Variants in ADGRL3 observed in about 807,000 individuals in gnomAD.
The protein encoded by ADGRL3 is calcium-independent alpha-latrotoxin receptor 3.
Under a neutral mutation model 153.5 loss-of-function variants are expected in ADGRL3, and 62 were observed. That is an observed-to-expected ratio of 0.40 (90% CI 0.33 to 0.50). The LOEUF (loss-of-function observed/expected upper bound fraction) is 0.50, where lower values mean the gene tolerates loss of function less well. Ranked by LOEUF, ADGRL3 falls within the 20% of genes least tolerant of loss-of-function variation. ADGRL3 has a pLI of 0.47. For synonymous variants in ADGRL3, 710 were observed against 672.5 expected, an observed-to-expected ratio of 1.06 and a Z score of -0.86; for missense variants, 1,641 against 1,859.4, an observed-to-expected ratio of 0.88 and a Z score of 2.16.
At chr4:61,743,743 G>A (rs900800038) in intron 8 of ADGRL3, among the ~76,000 whole-genome samples, 6 of 152,136 alleles carry the variant, frequency 3.9e-5, no homozygotes, top group East Asian at 3.9e-4. Context: ...CAAGATGGCC[G>A]AATAGGAACA....
chr4:61,957,685 A>AT (rs751521343), intron 17 of ADGRL3, among the ~76,000 whole-genome samples: 3,198 of 146,948 alleles, frequency 0.022, 45 homozygotes, highest in African/African-American at 0.037. Flanking sequence ...AACTAAATTA[A>AT]TTTTTTTTTT....
In ADGRL3 at chr4:61,895,777, C is replaced by G. The variant is rs1460702405; in HGVS notation, c.1830C>G (p.Pro610=). 2.5e-6 allele frequency: 4 copies of G among 1,601,102 alleles called. No individual in the cohort carries two copies. In the African/African-American group the frequency reaches 4.0e-5, roughly 16 times the overall value. The part of the protein sequence containing the change: ...LCLAPDGIWD[P]QGPDLSNCSS... ...TTGCTCCTGATGGAATTTGGGATCCCCAAGGTCCAGATCTCAGCAACTGTT... is the reference window on the plus strand; with the variant it reads ...TTGCTCCTGATGGAATTTGGGATCCGCAAGGTCCAGATCTCAGCAACTGTT... Residue 610 remains proline (P), a synonymous_variant, in exon 11 of 27, where the codon CCC becomes CCG. Transcript: ENST00000683033.
intron 5 of ADGRL3, among the ~76,000 whole-genome samples, chr4:61,612,537 C>A (rs759694392): frequency 6.6e-6 from 1 of 152,150 alleles, no homozygotes; most frequent in Non-Finnish European, 1.5e-5. Flanking sequence ...GCACAATAAC[C>A]TTTTCCTTAC....
At chr4:61,894,470 A>T (rs1172944090) in intron 10 of ADGRL3, among the ~76,000 whole-genome samples, 4 of 152,136 alleles carry the variant, frequency 2.6e-5, no homozygotes, top group African/African-American at 9.7e-5. Flanking sequence ...ACAGTTGGAA[A>T]CCATCTTTTT....
At chr4:61,477,819 T>C (rs1282060290) in intron 2 of ADGRL3, among the ~76,000 whole-genome samples, 1 of 152,076 alleles carries the variant, frequency 6.6e-6, no homozygotes, top group African/African-American at 2.4e-5. Flanking sequence ...ACTGTATATA[T>C]AAGTATATAT....
intron 6 of ADGRL3, among the ~76,000 whole-genome samples, chr4:61,696,161 T>C (rs2095639026): frequency 6.6e-6 from 1 of 152,218 alleles, no homozygotes; most frequent in Non-Finnish European, 1.5e-5. Flanking sequence ...TTTTTCTTTG[T>C]ATTCACAACT....
intron 6 of ADGRL3, among the ~76,000 whole-genome samples, chr4:61,702,346 T>A (rs2095782019): frequency 6.6e-6 from 1 of 152,220 alleles, no homozygotes; most frequent in Admixed American, 6.5e-5. Context: ...TCAGAAGTCT[T>A]ATTCCCTGTG....
intron 2 of ADGRL3, among the ~76,000 whole-genome samples, chr4:61,490,408 G>T (rs951129883): frequency 2.0e-5 from 3 of 151,364 alleles, no homozygotes; most frequent in African/African-American, 7.3e-5. Flanking sequence ...TTTAATGCAG[G>T]AATTATGCCT....
At chr4:61,550,029 A>C (rs1579472801) in intron 4 of ADGRL3, among the ~76,000 whole-genome samples, 1 of 152,122 alleles carries the variant, frequency 6.6e-6, no homozygotes, top group East Asian at 1.9e-4. Flanking sequence ...AATGCAGCAT[A>C]TCAACTGTCA....
chr4:61,447,389 T>C (rs999899267), intron 2 of ADGRL3, among the ~76,000 whole-genome samples: 1 of 39,090 alleles, frequency 2.6e-5, no homozygotes, highest in Non-Finnish European at 7.6e-5. Flanking sequence ...CCAGGTTTTA[T>C]GATACTTTCT....
chr4:61,721,473 C>A (rs2096243113), intron 6 of ADGRL3, among the ~76,000 whole-genome samples: 2 of 152,294 alleles, frequency 1.3e-5, no homozygotes, highest in South Asian at 2.1e-4. Context: ...TTGCTCTTTC[C>A]AACTTCTGCC....
intron 6 of ADGRL3, among the ~76,000 whole-genome samples, chr4:61,708,804 A>C (rs1207172806): frequency 6.6e-6 from 1 of 151,662 alleles, no homozygotes; most frequent in Non-Finnish European, 1.5e-5. Flanking sequence ...TTTATTCATT[A>C]TTTATTTATT....
chr4:61,423,121 C>T (rs998139712), intron 2 of ADGRL3, among the ~76,000 whole-genome samples: 4 of 152,082 alleles, frequency 2.6e-5, no homozygotes, highest in Non-Finnish European at 5.9e-5. Flanking sequence ...AATTATATAG[C>T]TTATCTGAGT....
intron 8 of ADGRL3, among the ~76,000 whole-genome samples, chr4:61,748,888 C>T (rs899538906): frequency 2.0e-5 from 3 of 151,274 alleles, no homozygotes; most frequent in African/African-American, 4.9e-5. Flanking sequence ...AGAGCTTCTG[C>T]ACAGCAAAAG....
In ADGRL3 at chr4:61,715,623, G is replaced by A. The variant is rs1016389146; in HGVS notation, c.584-14999G>A. On this transcript the variant is annotated intron_variant, in intron 6 of 26. Transcript: ENST00000683033. ...CTAAATGTGTCATAATAAAAATTCTGGCATGTATCTAATCAGTGATATTTT... is the reference window on the plus strand; with the variant it reads ...CTAAATGTGTCATAATAAAAATTCTAGCATGTATCTAATCAGTGATATTTT... Among the ~76,000 whole-genome samples the A allele has an allele frequency of 1.4e-3, 216 of 151,938 alleles. 2 individuals are homozygous for A. The highest frequency in any genetic ancestry group is 0.014 in the Admixed American group (215 of 15,232).
intron 1 of ADGRL3, among the ~76,000 whole-genome samples, chr4:61,310,305 G>A (rs918340867): frequency 4.6e-5 from 7 of 151,884 alleles, no homozygotes; most frequent in Admixed American, 6.6e-5. Flanking sequence ...CCATGTTTAC[G>A]GAGGAATAGA....
chr4:62,025,179 A>T (rs866388316), intron 21 of ADGRL3, among the ~76,000 whole-genome samples: 6 of 152,250 alleles, frequency 3.9e-5, no homozygotes, highest in Middle Eastern at 3.4e-3. Context: ...TAGCTATGCT[A>T]TCTTAAATAT....
At chr4:61,806,789 C>T (rs947387596) in intron 8 of ADGRL3, among the ~76,000 whole-genome samples, 2 of 151,972 alleles carry the variant, frequency 1.3e-5, no homozygotes, top group African/African-American at 4.8e-5. Flanking sequence ...GAAAATGCCT[C>T]ATCTTTTTCT....
At chr4:61,484,491 T>A (rs1302905853) in intron 2 of ADGRL3, among the ~76,000 whole-genome samples, 1 of 152,182 alleles carries the variant, frequency 6.6e-6, no homozygotes, top group Non-Finnish European at 1.5e-5. Context: ...TATCATATTT[T>A]TAATAATCTG....
Sources: allele counts gnomAD v4.1 joint callset (sites outside exome capture counted in the v4.1 genomes callset), GRCh38; gene constraint gnomAD v4.1.1; transcripts MANE v1.5; gene names NCBI Gene and HGNC (gene_info 2026-07-23, HGNC 2026-07-21).